The following ATL1 variants were observed in gnomAD, a reference collection of about 807,000 sequenced individuals.
ATL1 encodes atlastin GTPase 1.
In ATL1, 31 loss-of-function variants were observed where a neutral mutation model predicts 75.5. That is an observed-to-expected ratio of 0.41 (90% CI 0.31 to 0.55). The LOEUF (loss-of-function observed/expected upper bound fraction) is 0.55. ATL1 is among the 20% of genes least tolerant of loss of function. The pLI is 0.27. For synonymous variants in ATL1, 226 were observed against 233.3 expected (o/e 0.97, Z 0.28); for missense variants, 405 against 662.6 (o/e 0.61, Z 4.27).
intron 13 of ATL1, 107 bp downstream of exon 13, chr14:50,630,116 AT>A (rs1465888836): frequency 1.4e-6 from 1 of 731,752 alleles, no homozygotes; most frequent in African/African-American, 1.8e-5. Flanking sequence ...GATTAGAACA[AT>A]CTTTGGTGAC....
chr14:50,552,834 A>C (rs2038719663), intron 1 of ATL1, among the ~76,000 whole-genome samples: 1 of 152,178 alleles, frequency 6.6e-6, no homozygotes, highest in African/African-American at 2.4e-5. Context: ...CTGGATCCTC[A>C]TCTCTCACCT....
intron 1 of ATL1, among the ~76,000 whole-genome samples, chr14:50,550,070 G>T (rs1041840234): frequency 6.6e-6 from 1 of 152,190 alleles, no homozygotes; most frequent in Admixed American, 6.5e-5. Flanking sequence ...GTGAATGAAG[G>T]CTGCTGGAGG....
Position 50,630,842 on chromosome 14 carries a change from A to C in ATL1, c.1566+833A>C, listed in dbSNP as rs1184453994. 4 of 367,428 alleles carry C rather than the reference A, an allele frequency of 1.1e-5. No homozygotes were observed. In the East Asian group the frequency reaches 3.5e-4, roughly 32 times the overall value. The allele number at this position is 367,428 out of a possible 1,614,324, so 22.8% of individuals were successfully genotyped here. A position where few individuals can be genotyped will look rare whatever the true frequency, so the allele number is the denominator to read the frequency against. On this transcript the variant is annotated intron_variant, in intron 13 of 13. Coordinates refer to ENST00000358385, the MANE Select transcript of ATL1 (RefSeq NM_015915.5). The stretch of plus-strand genomic sequence containing the variant: ...AGCTTTGTAAATCAAAGCTTAAGAA[A>C]AAATATAAGAGAATTAGAATTAAAT...
chr14:50,573,920 G>A (rs1458370153), intron 1 of ATL1, among the ~76,000 whole-genome samples: 1 of 151,874 alleles, frequency 6.6e-6, no homozygotes. Context: ...GACACTTTTT[G>A]CCCTGAAGTC....
chr14:50,575,291 C>G (rs987642415), intron 1 of ATL1, among the ~76,000 whole-genome samples: 3 of 151,950 alleles, frequency 2.0e-5, no homozygotes, highest in Non-Finnish European at 2.9e-5. Context: ...ATGACTGACT[C>G]AACTTCTTCC....
chr14:50,632,292 A>C lies in ATL1; in HGVS notation c.1630A>C (p.Thr544Pro). The C allele has an allele frequency of 6.2e-7, 1 of 1,613,694 alleles. No individual in the cohort carries two copies. Among genetic ancestry groups the C allele is most frequent in the Non-Finnish European group, 8.5e-7 (1 of 1,179,708 alleles). The change falls in exon 14 of 14, where the codon ACA becomes CCA. Residue 544 changes from threonine to proline, a missense_variant. Coordinates refer to ENST00000358385, the MANE Select transcript of ATL1 (RefSeq NM_015915.5). ...HRHLYHQAFP[T>P]PKSESTEQSE... The stretch of plus-strand genomic sequence containing the variant: ...ACATCTGTATCATCAAGCTTTCCCT[A>C]CACCAAAGTCGGAATCTACTGAACA...
chr14:50,574,401 C>T (rs1474548414), intron 1 of ATL1, among the ~76,000 whole-genome samples: 1 of 152,178 alleles, frequency 6.6e-6, no homozygotes, highest in Non-Finnish European at 1.5e-5. Context: ...AATTGTAGTG[C>T]TGTAGTTTCA....
At chr14:50,607,347 G>A (rs2039324909) in intron 6 of ATL1, among the ~76,000 whole-genome samples, 1 of 152,086 alleles carries the variant, frequency 6.6e-6, no homozygotes, top group Non-Finnish European at 1.5e-5. Flanking sequence ...GTCTCATTGA[G>A]CAAAGCCAAC....
chr14:50,580,080 A>G (rs2039041882), intron 1 of ATL1, among the ~76,000 whole-genome samples: 1 of 152,232 alleles, frequency 6.6e-6, no homozygotes, highest in Admixed American at 6.5e-5. Flanking sequence ...TATGACTACC[A>G]CAATCAATAT....
At chr14:50,588,877 A>G (rs987397929) in intron 2 of ATL1, among the ~76,000 whole-genome samples, 2 of 152,202 alleles carry the variant, frequency 1.3e-5, no homozygotes, top group Non-Finnish European at 1.5e-5. Flanking sequence ...AATAATCACA[A>G]TTTATTCATT....
At chr14:50,547,348 G>C (rs2140154670) in intron 1 of ATL1, among the ~76,000 whole-genome samples, 1 of 152,260 alleles carries the variant, frequency 6.6e-6, no homozygotes, top group East Asian at 1.9e-4. Context: ...TTATAATAGA[G>C]GGCATTGGTT....
intron 3 of ATL1, among the ~76,000 whole-genome samples, chr14:50,591,330 C>T (rs755487830): frequency 3.3e-5 from 5 of 152,032 alleles, no homozygotes; most frequent in African/African-American, 4.8e-5. Context: ...GTTTCTGTTA[C>T]GTTGGATTAC....
At chr14:50,552,235 A>G (rs951920823) in intron 1 of ATL1, among the ~76,000 whole-genome samples, 38 of 152,124 alleles carry the variant, frequency 2.5e-4, no homozygotes, top group African/African-American at 8.7e-4. Context: ...TGAGAATCAA[A>G]TCAAGTACTC....
At chr14:50,577,435 G>A (rs1160760039) in intron 1 of ATL1, among the ~76,000 whole-genome samples, 1 of 151,930 alleles carries the variant, frequency 6.6e-6, no homozygotes, top group African/African-American at 2.4e-5. Flanking sequence ...CTAGTTTTTC[G>A]GTTTTGTTAT....
chr14:50,598,199 T>C (rs2039239226), intron 6 of ATL1, among the ~76,000 whole-genome samples: 1 of 152,186 alleles, frequency 6.6e-6, no homozygotes, highest in Admixed American at 6.5e-5. Context: ...TGATCACAGA[T>C]GGTATGATTT....
At chr14:50,556,264 C>T (rs1456540807), upstream of ATL1, among the ~76,000 whole-genome samples, 1 of 152,138 alleles carries the variant, frequency 6.6e-6, no homozygotes, top group Non-Finnish European at 1.5e-5. Flanking sequence ...GGGTCTTGCT[C>T]TGTCATCCAG....
At chr14:50,592,929 A>T (rs183688279) in intron 4 of ATL1, among the ~76,000 whole-genome samples, 6,172 of 113,484 alleles carry the variant, frequency 0.054, 139 homozygotes, top group South Asian at 0.095. Context: ...AAAAAAAAAA[A>T]ATATATATAT....
At chr14:50,627,039 C>T (rs1383856756) in intron 11 of ATL1, among the ~76,000 whole-genome samples, 1 of 152,172 alleles carries the variant, frequency 6.6e-6, no homozygotes, top group African/African-American at 2.4e-5. Context: ...GCATCCCAGG[C>T]TACAGAGAAA....
intron 6 of ATL1, among the ~76,000 whole-genome samples, chr14:50,597,220 C>CAAAAAAAAAAAAAAAAAAAAAAAAAA (rs372066395): frequency 2.8e-5 from 3 of 108,336 alleles, no homozygotes; most frequent in South Asian, 2.8e-4. Flanking sequence ...AAAAAACAAA[C>CAAAAAAAAAAAAAAAAAAAAAAAAAA]AAAAAAAAAA....
Sources: allele counts gnomAD v4.1 joint callset (sites outside exome capture counted in the v4.1 genomes callset), GRCh38; gene constraint gnomAD v4.1.1; transcripts MANE v1.5; gene names NCBI Gene and HGNC (gene_info 2026-07-23, HGNC 2026-07-21).